Variants in CHD5 observed in about 807,000 individuals in gnomAD.
CHD5 encodes ATP-dependent chromatin remodeler CHD5.
Under a neutral mutation model 230.3 loss-of-function variants are expected in CHD5, and 69 were observed. That is an observed-to-expected ratio of 0.30 (90% CI 0.25 to 0.37). The LOEUF (loss-of-function observed/expected upper bound fraction) is 0.37. Ranked by LOEUF, CHD5 falls within the 10% of genes least tolerant of loss-of-function variation. The pLI, the probability that CHD5 is intolerant of heterozygous loss-of-function variation, is 1.00. For synonymous variants in CHD5, 1,064 were observed against 1,065.9 expected, an observed-to-expected ratio of 1.00 and a Z score of 0.03; for missense variants, 1,827 against 2,622.8, an observed-to-expected ratio of 0.70 and a Z score of 6.63.
chr1:6,166,462 G>A (rs1006337311), intron 2 of CHD5, among the ~76,000 whole-genome samples: 4 of 151,872 alleles, frequency 2.6e-5, no homozygotes, highest in Non-Finnish European at 4.4e-5. Flanking sequence ...GCTGACTGCC[G>A]CCCCCAGCAA....
At chr1:6,170,695 CAGCCAG>C (rs1175134322) in intron 1 of CHD5, among the ~76,000 whole-genome samples, 2 of 152,256 alleles carry the variant, frequency 1.3e-5, no homozygotes, top group African/African-American at 2.4e-5. Flanking sequence ...AGGCCCCAAG[CAGCCAG>C]GGGCAGGGGC....
chr1:6,114,974 A>G (rs1024218372), intron 33 of CHD5, among the ~76,000 whole-genome samples: 4 of 150,792 alleles, frequency 2.7e-5, no homozygotes, highest in African/African-American at 9.7e-5. Flanking sequence ...AGATTGCACC[A>G]CTGCACTCCA....
Position 6,128,920 on chromosome 1 carries a change from G to C in CHD5, c.3537C>G (p.Ser1179=). The stretch of plus-strand genomic sequence containing the variant: ...CCTGCTTGGTCATGGACCCCGACTT[G>C]GAGCCGAGGCCGGGCCGCACCACCA... ...THLVVRPGLG[S]KSGSMTKQEL... Residue 1179 remains serine, a synonymous_variant, in exon 23 of 42, where the codon TCC becomes TCG. Coordinates refer to ENST00000262450, the MANE Select transcript of CHD5 (RefSeq NM_015557.3). This position sits in a 1 kb window ranked among gnomAD's most constrained non-coding sequence, Gnocchi z 7.8. 6.2e-7 allele frequency: 1 copy of C among 1,613,404 alleles called. No homozygotes were observed. Among genetic ancestry groups the C allele is most frequent in the Non-Finnish European group, 8.5e-7 (1 of 1,180,006 alleles).
rs150095781 is a variant in CHD5, at chr1:6,124,029, C to T, written c.4618G>A (p.Gly1540Ser). The change falls in exon 31 of 42, where the codon GGC (glycine) becomes AGC (serine). Residue 1540 changes from glycine (G) to serine (S), a missense_variant. Gly to Ser is a moderately conservative substitution (Grantham distance 56). Around this residue, in one of 14 missense-constraint regions of CHD5, gnomAD observed 108 missense variants for 152.4 expected, o/e 0.71. Transcript: ENST00000262450. ...IPEGPEGKKSGEVISSDPNTP... is the reference protein window; with the variant it reads ...IPEGPEGKKSSEVISSDPNTP... Reference sequence around the variant, plus strand: ...TTGGGGTCCGAGGAGATCACCTCGCCCGACTTCTTCCCCTCGGGCCCCTCA... The same window carrying T: ...TTGGGGTCCGAGGAGATCACCTCGCTCGACTTCTTCCCCTCGGGCCCCTCA... The T allele has an allele frequency of 8.7e-6, 14 of 1,612,990 alleles. No homozygotes were observed. In the African/African-American group the frequency reaches 1.5e-4, roughly 17 times the overall value.
chr1:6,145,136 A>AG (rs1256625885), intron 11 of CHD5, among the ~76,000 whole-genome samples: 3 of 151,980 alleles, frequency 2.0e-5, no homozygotes, highest in African/African-American at 4.8e-5. Flanking sequence ...CCATAGTTGA[A>AG]GGGGGGCAGT....
chr1:6,143,746 C>T, intron 13 of CHD5, 77 bp downstream of exon 13: 2 of 1,274,212 alleles, frequency 1.6e-6, no homozygotes. Context: ...TGAGAACACA[C>T]ACCCCCTGCA....
chr1:6,167,827 G>A lies in CHD5; in HGVS notation c.207+323C>T, dbSNP rs1421135018. Among the ~76,000 whole-genome samples the A allele has an allele frequency of 6.6e-6, 1 of 152,140 alleles. No homozygotes were observed. The highest frequency in any genetic ancestry group is 1.5e-5 in the Non-Finnish European group (1 of 68,024). ...TTAGAGGGACGGAGTCAGCTACAGAGCAGGGAGTGGGGCAGGGAGGTAGGG... is the reference window on the plus strand; with the variant it reads ...TTAGAGGGACGGAGTCAGCTACAGAACAGGGAGTGGGGCAGGGAGGTAGGG... On this transcript the variant is annotated intron_variant, in intron 2 of 41. Transcript: ENST00000262450. The surrounding 1 kb of genome is among the most constrained non-coding windows in gnomAD (Gnocchi z 4.5).
At position 6,152,465 on chromosome 1, in the gene CHD5, C is replaced by T. The variant is rs150572969; in HGVS notation, c.817G>A (p.Gly273Arg). ...KKKGKGKKTA[G>R]LKFRFGGISN... ...ATCCCCCCGAAGCGGAACTTGAGCCCGGCCGTCTTTTTCCCTTTGCCCTTT... is the reference window on the plus strand; with the variant it reads ...ATCCCCCCGAAGCGGAACTTGAGCCTGGCCGTCTTTTTCCCTTTGCCCTTT... Residue 273 changes from glycine (G) to arginine (R), a missense_variant, in exon 6 of 42, where the codon GGG becomes AGG. By Grantham distance (125) the Gly-to-Arg change is moderately radical (BLOSUM62 -2). Around this residue, in one of 14 missense-constraint regions of CHD5, gnomAD observed 657 missense variants for 816.4 expected, o/e 0.80. Transcript: ENST00000262450. 10 of 1,614,074 alleles carry T rather than the reference C, an allele frequency of 6.2e-6. No individual in the cohort carries two copies. The highest frequency in any genetic ancestry group is 5.3e-5 in the African/African-American group (4 of 74,928).
chr1:6,108,319 A>G (rs1295472332), intron 38 of CHD5, among the ~76,000 whole-genome samples: 2 of 141,892 alleles, frequency 1.4e-5, no homozygotes, highest in Admixed American at 1.4e-4. Flanking sequence ...GGAGAGACGG[A>G]GGGATGAAGG....
chr1:6,131,853 G>A lies in CHD5; in HGVS notation c.3145-105C>T, dbSNP rs1345587410. The A allele has an allele frequency of 1.4e-6, 1 of 691,462 alleles. No homozygotes were observed. The highest frequency in any genetic ancestry group is 2.5e-5 in the East Asian group (1 of 39,554). The allele number at this position is 691,462 out of a possible 1,614,324, so 42.8% of individuals were successfully genotyped here. A position where few individuals can be genotyped will look rare whatever the true frequency, so the allele number is the denominator to read the frequency against. Reference sequence around the variant, plus strand: ...CAGGGGAGGAGAGAGCTGCCTGCTAGGTGGGGAGACAGCTGGGACCCAGGC... The same window carrying A: ...CAGGGGAGGAGAGAGCTGCCTGCTAAGTGGGGAGACAGCTGGGACCCAGGC... On this transcript the variant is annotated intron_variant, in intron 20 of 41. Coordinates refer to ENST00000262450, the MANE Select transcript of CHD5 (RefSeq NM_015557.3). This position sits in a 1 kb window ranked among gnomAD's most constrained non-coding sequence, Gnocchi z 5.0.
intron 38 of CHD5, 102 bp from the exon 39 acceptor site, chr1:6,106,881 T>A (rs1231325236): frequency 1.6e-5 from 5 of 315,854 alleles, no homozygotes; most frequent in Non-Finnish European, 1.8e-5. Flanking sequence ...GGTGGAGGGG[T>A]GGAGCAGTGG....
intron 34 of CHD5, among the ~76,000 whole-genome samples, chr1:6,112,528 C>T (rs749809591): frequency 2.0e-5 from 3 of 152,184 alleles, no homozygotes; most frequent in Admixed American, 6.5e-5. Flanking sequence ...GACAGGAGAG[C>T]GCTGTGAAAA....
At position 6,109,941 on chromosome 1, in the gene CHD5, T is replaced by A; in HGVS notation, c.5432A>T (p.Tyr1811Phe). Residue 1811 changes from tyrosine (Y) to phenylalanine (F), a missense_variant, in exon 38 of 42, where the codon TAC becomes TTC. Coordinates refer to ENST00000262450, the MANE Select transcript of CHD5 (RefSeq NM_015557.3). ...VIEEQLRRAA[Y>F]LNMTQDPNHP... The stretch of plus-strand genomic sequence containing the variant: ...GTTGGGGTCCTGCGTCATGTTCAGG[T>A]ACGCGGCCCTCCGGAGCTGCTCCTC... 6.3e-7 allele frequency: 1 copy of A among 1,593,720 alleles called. No homozygotes were observed. The highest frequency in any genetic ancestry group is 8.5e-7 in the Non-Finnish European group (1 of 1,171,088).
In CHD5 at chr1:6,125,304, G is replaced by T; in HGVS notation, c.4261-71C>A. 6.8e-7 allele frequency: 1 copy of T among 1,478,986 alleles called. No homozygotes were observed. The highest frequency in any genetic ancestry group is 9.1e-7 in the Non-Finnish European group (1 of 1,097,998). The allele number at this position is 1,478,986 out of a possible 1,614,324, so 91.6% of individuals were successfully genotyped here. A position where few individuals can be genotyped will look rare whatever the true frequency, so the allele number is the denominator to read the frequency against. On this transcript the variant is annotated intron_variant, in intron 28 of 41. Coordinates refer to ENST00000262450, the MANE Select transcript of CHD5 (RefSeq NM_015557.3). The surrounding 1 kb of genome is among the most constrained non-coding windows in gnomAD (Gnocchi z 6.7). The stretch of plus-strand genomic sequence containing the variant: ...TGGGGGTGGAGGATTCTGGGATGGG[G>T]GAAGAAAAGCATGGGAGGAGGAGAA...
rs1236327780 is a variant in CHD5, at chr1:6,109,964, C to T, written c.5409G>A (p.Glu1803=). 6.4e-7 allele frequency: 1 copy of T among 1,562,972 alleles called. No individual in the cohort carries two copies. Among genetic ancestry groups the T allele is most frequent in the East Asian group, 2.3e-5 (1 of 44,166 alleles). The change falls in exon 38 of 42, where the codon GAG becomes GAA. Residue 1803 remains glutamate (E), a synonymous_variant. Transcript: ENST00000262450. ...FKLLEQALVI[E]EQLRRAAYLN... is the part of the protein sequence containing the mutation. ...GGTACGCGGCCCTCCGGAGCTGCTC[C>T]TCAATGACCAACGCCTGCTCCAGCA...
chr1:6,164,509 C>T (rs773982395), intron 2 of CHD5, among the ~76,000 whole-genome samples: 4 of 152,232 alleles, frequency 2.6e-5, no homozygotes, highest in Non-Finnish European at 5.9e-5. Context: ...GAATCCACGA[C>T]TTGCTGCCGG....
rs1667132490 is a variant in CHD5, at chr1:6,159,420, C to T, written c.303G>A (p.Lys101=). The T allele has an allele frequency of 6.4e-7, 1 of 1,561,270 alleles. No homozygotes were observed. Among genetic ancestry groups the T allele is most frequent in the Non-Finnish European group, 8.7e-7 (1 of 1,149,396 alleles). The change falls in exon 3 of 42, where the codon AAG becomes AAA. Residue 101 remains lysine (K), a synonymous_variant. Coordinates refer to ENST00000262450, the MANE Select transcript of CHD5 (RefSeq NM_015557.3). ...TTTTCTCCTTCTTGTCCTTGAGTTT[C>T]TTCTTCTTCTTTTTATTCGGGGAGT... The part of the protein sequence containing the change: ...SDYSPNKKKK[K]KLKDKKEKKA...
rs1666636207 is a variant in CHD5 at position 6,130,393 on chromosome 1, T to A, written c.3263-65A>T. On this transcript the variant is annotated intron_variant, in intron 21 of 41. Coordinates refer to ENST00000262450, the MANE Select transcript of CHD5 (RefSeq NM_015557.3). This position sits in a 1 kb window ranked among gnomAD's most constrained non-coding sequence, Gnocchi z 4.9. ...GTACACCTTGGGTGGGCAGAAAGGATGGGGGAGAGAACAGAGAGAAGGAAC... is the reference window on the plus strand; with the variant it reads ...GTACACCTTGGGTGGGCAGAAAGGAAGGGGGAGAGAACAGAGAGAAGGAAC... The A allele has an allele frequency of 1.4e-6, 2 of 1,450,044 alleles. No individual in the cohort carries two copies. Among genetic ancestry groups the A allele is most frequent in the Non-Finnish European group, 9.5e-7 (1 of 1,051,090 alleles). The allele number at this position is 1,450,044 out of a possible 1,614,324, so 89.8% of individuals were successfully genotyped here. A position where few individuals can be genotyped will look rare whatever the true frequency, so the allele number is the denominator to read the frequency against.
intron 34 of CHD5, 45 bp from the exon 35 acceptor site, chr1:6,112,322 C>T (rs769506873): frequency 6.2e-7 from 1 of 1,602,840 alleles, no homozygotes; most frequent in Non-Finnish European, 8.5e-7. Flanking sequence ...ATCCAAAAAG[C>T]AGTGCCCAGC....
Sources: gnomAD v4.1 joint callset for allele counts (sites outside exome capture counted in the v4.1 genomes callset) on GRCh38, gnomAD v4.1.1 for gene constraint, gnomAD v4.1.1 regional missense constraint, Gnocchi (gnomAD v3.1) non-coding constraint, MANE v1.5 for transcripts, NCBI Gene and HGNC (gene_info 2026-07-23, HGNC 2026-07-21) for gene names.